Variants in PTPRM observed in about 807,000 individuals in gnomAD.
PTPRM encodes the protein receptor-type tyrosine-protein phosphatase mu.
A neutral mutation model predicts 186.7 loss-of-function variants in PTPRM; 47 were observed. The ratio of observed to expected loss-of-function variants is 0.25; its 90% CI spans 0.20 to 0.32. The LOEUF is 0.32. Ranked by LOEUF, PTPRM falls within the 10% of genes least tolerant of loss-of-function variation. PTPRM has a pLI of 1.00. For missense variants in PTPRM, 1,494 were observed against 1,865.0 expected (o/e 0.80, Z 3.66); for synonymous variants, 668 against 674.9 (o/e 0.99, Z 0.16).
chr18:7,903,715 G>C (rs140692735), intron 3 of PTPRM, among the ~76,000 whole-genome samples: 2,538 of 152,184 alleles, frequency 0.017, 27 homozygotes, highest in South Asian at 0.033. Context: ...TTTCCTCTCC[G>C]CTGTGTTATA....
At chr18:8,302,776 T>C (rs1467303009) in intron 20 of PTPRM, among the ~76,000 whole-genome samples, 1 of 151,672 alleles carries the variant, frequency 6.6e-6, no homozygotes, top group African/African-American at 2.4e-5. Context: ...GTTGAACAGG[T>C]AGACACATGG....
At chr18:7,805,029 T>G (rs118106708) in intron 2 of PTPRM, among the ~76,000 whole-genome samples, 2 of 152,328 alleles carry the variant, frequency 1.3e-5, no homozygotes, top group East Asian at 3.9e-4. Context: ...TATTCGAGTG[T>G]GGTTATTTCC....
intron 1 of PTPRM, among the ~76,000 whole-genome samples, chr18:7,608,022 G>A (rs2037577911): frequency 2.6e-5 from 4 of 152,178 alleles, no homozygotes; most frequent in Admixed American, 2.6e-4. Context: ...CCCACCTGTT[G>A]CAGTAATGAG....
At chr18:8,085,046 G>A (rs1466227968) in intron 9 of PTPRM, among the ~76,000 whole-genome samples, 1 of 152,082 alleles carries the variant, frequency 6.6e-6, no homozygotes. Context: ...CAAATGCTCA[G>A]TAACCAGATG....
intron 23 of PTPRM, among the ~76,000 whole-genome samples, chr18:8,345,272 T>G (rs603504): frequency 0.55 from 84,299 of 151,906 alleles, 23,599 homozygotes; most frequent in East Asian, 0.75. Flanking sequence ...GAATAGAAAT[T>G]TATTAACTAA....
At chr18:8,344,446 GTGTATA>G (rs1227902679) in intron 23 of PTPRM, among the ~76,000 whole-genome samples, 3,360 of 16,544 alleles carry the variant, frequency 0.2, 104 homozygotes, top group Non-Finnish European at 0.25. Context: ...GTGTGTGTGT[GTGTATA>G]TATATATATA....
intron 14 of PTPRM, among the ~76,000 whole-genome samples, chr18:8,201,509 T>G (rs1425812884): frequency 6.6e-6 from 1 of 152,220 alleles, no homozygotes; most frequent in Non-Finnish European, 1.5e-5. Context: ...ATCTATTTAT[T>G]AGTCTGCTCA....
intron 1 of PTPRM, among the ~76,000 whole-genome samples, chr18:7,625,878 A>G (rs1009287152): frequency 4.6e-5 from 7 of 152,210 alleles, no homozygotes; most frequent in Admixed American, 3.9e-4. Flanking sequence ...GTCTCTATCA[A>G]TAACTGGCAA....
intron 1 of PTPRM, among the ~76,000 whole-genome samples, chr18:7,695,971 A>G (rs986097121): frequency 6.6e-6 from 1 of 152,220 alleles, no homozygotes; most frequent in Non-Finnish European, 1.5e-5. Flanking sequence ...CACTGACAGC[A>G]TTATTAATAC....
At chr18:7,776,850 A>G (rs1366015548) in intron 2 of PTPRM, among the ~76,000 whole-genome samples, 1 of 152,224 alleles carries the variant, frequency 6.6e-6, no homozygotes, top group Non-Finnish European at 1.5e-5. Context: ...CCGTTGTTAG[A>G]AGTGAGGAAA....
At chr18:8,162,156 A>G (rs1408488119) in intron 14 of PTPRM, among the ~76,000 whole-genome samples, 1 of 150,534 alleles carries the variant, frequency 6.6e-6, no homozygotes, top group African/African-American at 2.5e-5. Context: ...CTGGAGTGCA[A>G]TGGCGCCATC....
chr18:7,574,228 T>C (rs111401666), intron 1 of PTPRM, among the ~76,000 whole-genome samples: 3,430 of 152,302 alleles, frequency 0.023, 49 homozygotes, highest in Middle Eastern at 0.037. Context: ...TCGTGTTGTC[T>C]CTGGCCAGAC....
At chr18:7,975,023 G>A (rs938297317) in intron 7 of PTPRM, among the ~76,000 whole-genome samples, 9 of 152,116 alleles carry the variant, frequency 5.9e-5, no homozygotes, top group Non-Finnish European at 1.0e-4. Context: ...CAGTGATGCC[G>A]ATATTGAAAA....
intron 1 of PTPRM, among the ~76,000 whole-genome samples, chr18:7,572,742 GT>G (rs1159285031): frequency 6.6e-6 from 1 of 152,050 alleles, no homozygotes; most frequent in Non-Finnish European, 1.5e-5. Flanking sequence ...CTTTCCTATA[GT>G]TTCACTTTTT....
chr18:8,389,419 A>T (rs2095797614), intron 31 of PTPRM, among the ~76,000 whole-genome samples: 1 of 152,220 alleles, frequency 6.6e-6, no homozygotes, highest in South Asian at 2.1e-4. Context: ...CACAGAACTA[A>T]CCAGTGACAT....
chr18:8,019,816 T>C, intron 7 of PTPRM, among the ~76,000 whole-genome samples: 1 of 147,842 alleles, frequency 6.8e-6, no homozygotes, highest in South Asian at 2.1e-4. Context: ...ATAAATAATA[T>C]TTATTTATAA....
intron 1 of PTPRM, among the ~76,000 whole-genome samples, chr18:7,614,752 C>T (rs557763981): frequency 1.9e-4 from 29 of 152,258 alleles, no homozygotes; most frequent in African/African-American, 6.7e-4. Context: ...GAGTTTGACA[C>T]AGGATCGATG....
At chr18:7,887,986 G>C in intron 2 of PTPRM, 120 bp from the exon 3 acceptor site, 1 of 1,185,594 alleles carries the variant, frequency 8.4e-7, no homozygotes, top group Non-Finnish European at 1.3e-6. Flanking sequence ...AGAAATGGCA[G>C]TTTAAGCCTA....
At chr18:7,578,423 C>T (rs750664435) in intron 1 of PTPRM, among the ~76,000 whole-genome samples, 7 of 151,332 alleles carry the variant, frequency 4.6e-5, no homozygotes, top group Admixed American at 6.6e-5. Flanking sequence ...GCAAGCTCCA[C>T]CTCCCAGGTT....
Sources: allele counts gnomAD v4.1 joint callset (sites outside exome capture counted in the v4.1 genomes callset), GRCh38; gene constraint gnomAD v4.1.1; transcripts MANE v1.5; gene names NCBI Gene and HGNC (gene_info 2026-07-23, HGNC 2026-07-21).